The following THRB variants were observed in gnomAD, a reference collection of about 807,000 sequenced individuals.
THRB encodes thyroid hormone receptor beta.
Under a neutral mutation model 47.8 loss-of-function variants are expected in THRB, and 12 were observed. The ratio of observed to expected loss-of-function variants is 0.25; its 90% CI spans 0.16 to 0.41. THRB has a LOEUF of 0.41. Ranked by LOEUF, THRB falls within the 10% of genes least tolerant of loss-of-function variation. THRB has a pLI of 1.00. For synonymous variants in THRB, 218 were observed against 212.2 expected, an observed-to-expected ratio of 1.03 and a Z score of -0.24; for missense variants, 348 against 589.2, an observed-to-expected ratio of 0.59 and a Z score of 4.24.
chr3:24,123,761 G>T (rs2032157967), intron 10 of THRB, among the ~76,000 whole-genome samples: 1 of 152,104 alleles, frequency 6.6e-6, no homozygotes, highest in Non-Finnish European at 1.5e-5. Context: ...AAGGGGAGGG[G>T]AGCTGTGCCA....
intron 5 of THRB, among the ~76,000 whole-genome samples, chr3:24,159,741 G>C (rs1227646967): frequency 6.9e-6 from 1 of 144,322 alleles, no homozygotes; most frequent in African/African-American, 2.6e-5. Flanking sequence ...GTGTGTGTGT[G>C]TGTGTGTGTG....
chr3:24,453,153 A>G (rs2072832299), intron 1 of THRB, among the ~76,000 whole-genome samples: 1 of 152,114 alleles, frequency 6.6e-6, no homozygotes, highest in South Asian at 2.1e-4. Context: ...TCTCCATCCA[A>G]ACCATCACCA....
At chr3:24,275,871 A>G (rs2053866911) in intron 3 of THRB, among the ~76,000 whole-genome samples, 1 of 152,088 alleles carries the variant, frequency 6.6e-6, no homozygotes, top group Non-Finnish European at 1.5e-5. Context: ...ACCTCCCCAT[A>G]ACCCTCTACA....
chr3:24,459,894 A>G (rs2073543461), intron 1 of THRB, among the ~76,000 whole-genome samples: 1 of 152,182 alleles, frequency 6.6e-6, no homozygotes, highest in Non-Finnish European at 1.5e-5. Context: ...TTTTTATTTG[A>G]AAATGTATTT....
intron 1 of THRB, among the ~76,000 whole-genome samples, chr3:24,368,371 G>C (rs1251189868): frequency 1.3e-5 from 2 of 152,112 alleles, no homozygotes; most frequent in Non-Finnish European, 2.9e-5. Flanking sequence ...CAAATGAACA[G>C]GAGGAGAAGA....
intron 3 of THRB, among the ~76,000 whole-genome samples, chr3:24,241,171 T>G (rs1165175797): frequency 6.6e-6 from 1 of 152,188 alleles, no homozygotes; most frequent in Non-Finnish European, 1.5e-5. Context: ...TTCCAAAAGA[T>G]TGGCTTTGCA....
At chr3:24,237,324 G>T (rs1349264) in intron 3 of THRB, among the ~76,000 whole-genome samples, 130,526 of 152,182 alleles carry the variant, frequency 0.86, 56,460 homozygotes, top group African/African-American at 0.96. Flanking sequence ...GTGTTTTGCC[G>T]TCAGGAAGGG....
intron 1 of THRB, among the ~76,000 whole-genome samples, chr3:24,454,170 A>G (rs2072946322): frequency 6.6e-6 from 1 of 152,250 alleles, no homozygotes; most frequent in African/African-American, 2.4e-5. Context: ...ATTATTAAGC[A>G]ATATAAAGAA....
intron 3 of THRB, among the ~76,000 whole-genome samples, chr3:24,247,841 A>C (rs73039636): frequency 6.6e-6 from 1 of 152,316 alleles, no homozygotes; most frequent in Non-Finnish European, 1.5e-5. Flanking sequence ...TTCTATGAGC[A>C]AAAATCACAT....
At chr3:24,174,764 C>T (rs2040913705) in intron 5 of THRB, among the ~76,000 whole-genome samples, 1 of 152,142 alleles carries the variant, frequency 6.6e-6, no homozygotes, top group Admixed American at 6.5e-5. Context: ...AACCACTTTC[C>T]TATAGATTAT....
chr3:24,267,876 G>A (rs897968481), intron 3 of THRB, among the ~76,000 whole-genome samples: 8 of 152,114 alleles, frequency 5.3e-5, no homozygotes, highest in Non-Finnish European at 7.4e-5. Flanking sequence ...TGGTCCTGAA[G>A]AAAGCCTTCC....
intron 1 of THRB, among the ~76,000 whole-genome samples, chr3:24,474,020 T>C (rs1265408834): frequency 6.6e-6 from 1 of 152,148 alleles, no homozygotes. Context: ...GATGACGGGT[T>C]GATGGGTGCA....
At chr3:24,487,344 G>GCACACA (rs61358157) in intron 1 of THRB, among the ~76,000 whole-genome samples, 10 of 146,294 alleles carry the variant, frequency 6.8e-5, no homozygotes, top group African/African-American at 2.5e-4. Flanking sequence ...AGACACACAA[G>GCACACA]CACACACACA....
chr3:24,373,343 C>T (rs1240559974), intron 1 of THRB, among the ~76,000 whole-genome samples: 2 of 152,038 alleles, frequency 1.3e-5, no homozygotes, highest in African/African-American at 4.8e-5. Context: ...CAACGCAGGC[C>T]CTTTAACCCC....
rs760312808 is a variant in THRB at position 24,165,327 on chromosome 3, C to G, written c.284-12837G>C. The stretch of plus-strand genomic sequence containing the variant: ...TTGCTGCCGGCAGCTGGGTGCACTT[C>G]ATATATTTCTTGCATACAGTAGTTC... On this transcript the variant is annotated intron_variant, in intron 5 of 10. Transcript: ENST00000646209. The G allele has an allele frequency of 3.9e-6, 3 of 764,614 alleles. No homozygotes were observed. In the South Asian group the frequency reaches 4.0e-5, roughly 10 times the overall value. 47.4% of individuals were successfully genotyped at this position (764,614 alleles called of 1,614,324 possible).
At chr3:24,168,430 A>G (rs1212183722) in intron 5 of THRB, among the ~76,000 whole-genome samples, 1 of 151,256 alleles carries the variant, frequency 6.6e-6, no homozygotes, top group African/African-American at 2.4e-5. Context: ...AGTGCATCCA[A>G]CTGCCTTAAA....
intron 2 of THRB, among the ~76,000 whole-genome samples, chr3:24,299,120 C>T (rs936684589): frequency 3.3e-5 from 5 of 151,252 alleles, no homozygotes; most frequent in South Asian, 4.2e-4. Context: ...TGGTGGCGGG[C>T]GCCTGTAGTC....
chr3:24,328,269 G>A (rs1370839204), intron 2 of THRB, among the ~76,000 whole-genome samples: 1 of 152,058 alleles, frequency 6.6e-6, no homozygotes, highest in Admixed American at 6.5e-5. Flanking sequence ...ATAATCAGAA[G>A]TTAAGACAAA....
At chr3:24,144,128 G>C (rs2035794628) in intron 7 of THRB, 1 of 202,884 alleles carries the variant, frequency 4.9e-6, no homozygotes, top group Admixed American at 5.2e-5. Flanking sequence ...TCTTAGTAAA[G>C]AGAACTTCAG....
Sources: allele counts gnomAD v4.1 joint callset (sites outside exome capture counted in the v4.1 genomes callset), GRCh38; gene constraint gnomAD v4.1.1; transcripts MANE v1.5; gene names NCBI Gene and HGNC (gene_info 2026-07-23, HGNC 2026-07-21).